Variants in APPL2 observed in about 807,000 individuals in gnomAD.
APPL2 encodes adaptor protein, phosphotyrosine interacting with PH domain and leucine zipper 2, also known as DCC-interacting protein 13-beta.
Under a neutral mutation model 92.7 loss-of-function variants are expected in APPL2, and 84 were observed. That is an observed-to-expected ratio of 0.91 (90% CI 0.76 to 1.09). APPL2 has a LOEUF of 1.09. APPL2 is among the 50% of genes least tolerant of loss of function. The probability of loss-of-function intolerance (pLI) is 0.00; values close to 1 mark genes in which losing one functional copy is unlikely to be tolerated. For synonymous variants in APPL2, 291 were observed against 291.0 expected, an observed-to-expected ratio of 1.00 and a Z score of 0.00; for missense variants, 736 against 824.5, an observed-to-expected ratio of 0.89 and a Z score of 1.31.
At chr12:105,195,919 G>T (rs930630899) in intron 11 of APPL2, among the ~76,000 whole-genome samples, 2 of 152,100 alleles carry the variant, frequency 1.3e-5, no homozygotes, top group Non-Finnish European at 2.9e-5. Flanking sequence ...GCTGGGCGTG[G>T]TGGCGTGTGC....
intron 9 of APPL2, 131 bp downstream of exon 9, chr12:105,203,572 G>A (rs373743632): frequency 1.6e-5 from 12 of 757,352 alleles, no homozygotes; most frequent in African/African-American, 5.3e-5. Flanking sequence ...CACTGTTAGC[G>A]AGCATTTCTG....
chr12:105,225,333 CT>C (rs1455081798), intron 2 of APPL2, among the ~76,000 whole-genome samples: 3 of 152,126 alleles, frequency 2.0e-5, no homozygotes, highest in Non-Finnish European at 4.4e-5. Context: ...CCTGGCCCCA[CT>C]TTCTCAGTAC....
rs35515314 is a variant in APPL2 at position 105,207,178 on chromosome 12, G to A, written c.504C>T (p.Ala168=). 1.9e-5 allele frequency: 31 copies of A among 1,613,630 alleles called. No homozygotes were observed. The highest frequency in any genetic ancestry group is 1.2e-4 in the South Asian group (11 of 91,008). ...KVKTEVGKEV[A]AARRKQHLSS... ...AGAGGTGCTGCTTCCGCCGGGCCGCGGCCACCTCTTTTCCGACTTCGGTCT... is the reference window on the plus strand; with the variant it reads ...AGAGGTGCTGCTTCCGCCGGGCCGCAGCCACCTCTTTTCCGACTTCGGTCT... Residue 168 remains alanine (A), a synonymous_variant, in exon 8 of 21, where the codon GCC becomes GCT. Coordinates refer to ENST00000258530, the MANE Select transcript of APPL2 (RefSeq NM_018171.5).
intron 17 of APPL2, among the ~76,000 whole-genome samples, chr12:105,184,350 T>C (rs554986855): frequency 6.6e-6 from 1 of 152,366 alleles, no homozygotes; most frequent in South Asian, 2.1e-4. Context: ...TTCTGGTTTT[T>C]GGAATTTTCA....
chr12:105,207,921 A>G, intron 7 of APPL2, 50 bp downstream of exon 7: 1 of 1,522,814 alleles, frequency 6.6e-7, no homozygotes, highest in Non-Finnish European at 9.1e-7. Context: ...GGAAGGCATG[A>G]AAGGCCTTTA....
rs1258241482 is a variant in APPL2, at chr12:105,174,883, G to A, written c.1861-435C>T. On this transcript the variant is annotated intron_variant, in intron 20 of 20. Transcript: ENST00000258530. ...GCTGCTGCTTTTTTTTGGTGGGGGG[G>A]GGGGTGGTGCGGCGGTTGGAGACAG... Among the ~76,000 whole-genome samples the A allele has an allele frequency of 1.4e-5, 2 of 139,382 alleles. 1 individual carries two copies. The highest frequency in any genetic ancestry group is 1.4e-4 in the Admixed American group (2 of 14,088). 91.4% of individuals were successfully genotyped at this position (139,382 alleles called of 152,430 possible).
intron 2 of APPL2, among the ~76,000 whole-genome samples, chr12:105,227,879 C>A (rs1423402370): frequency 6.6e-6 from 1 of 152,166 alleles, no homozygotes; most frequent in Non-Finnish European, 1.5e-5. Flanking sequence ...AACATAAAAG[C>A]CCCTGGAAGT....
chr12:105,207,864 A>T, intron 7 of APPL2, 107 bp downstream of exon 7: 6 of 409,028 alleles, frequency 1.5e-5, no homozygotes, highest in East Asian at 6.4e-5. Context: ...ATGTATAGTT[A>T]AAAAAAAAAA....
chr12:105,235,057 G>C (rs12299391), intron 1 of APPL2, among the ~76,000 whole-genome samples: 17,531 of 152,194 alleles, frequency 0.12, 1,133 homozygotes, highest in African/African-American at 0.16. Flanking sequence ...AGAGGGGAAA[G>C]TGTGAAACGA....
chr12:105,174,377 G>A lies in APPL2; in HGVS notation c.1932C>T (p.Asn644=), dbSNP rs777452996. Residue 644 remains asparagine, a synonymous_variant, in exon 21 of 21, where the codon AAC becomes AAT. Transcript: ENST00000258530. ...TTCCATCATCGTCATCTGGTTGATC[G>A]TTTAACAGTACATATTTTCCGTCAT... ...LTNDGKYVLL[N]DQPDDDDGNP... is the part of the protein sequence containing the mutation. 5.6e-6 allele frequency: 9 copies of A among 1,613,932 alleles called. No homozygotes were observed. Among genetic ancestry groups the A allele is most frequent in the East Asian group, 2.2e-5 (1 of 44,868 alleles).
At chr12:105,233,462 T>C in intron 1 of APPL2, 2 of 929,852 alleles carry the variant, frequency 2.2e-6, no homozygotes, top group Non-Finnish European at 2.6e-6. Flanking sequence ...GTGTCTAAGG[T>C]CAGTTAACTG....
At position 105,177,224 on chromosome 12, in the gene APPL2, AC is replaced by A; in HGVS notation, c.1671+1del. 1 of 1,613,956 alleles carries A rather than the reference AC, an allele frequency of 6.2e-7. No individual in the cohort carries two copies. Among genetic ancestry groups the A allele is most frequent in the Admixed American group, 1.7e-5 (1 of 60,026 alleles). On this transcript the variant is annotated splice_donor_variant, in intron 18 of 20. Transcript: ENST00000258530. LOFTEE classifies it high-confidence loss of function. ...TAACATGAACCTGTATGCGGTACTT[AC>A]ATTGGCCCTTGATACTTGAGTCTGT...
chr12:105,177,190 A>G (rs1885629829), intron 18 of APPL2, 36 bp downstream of exon 18: 1 of 1,610,762 alleles, frequency 6.2e-7, no homozygotes, highest in South Asian at 1.1e-5. Flanking sequence ...TGAATTAAGG[A>G]GTAATCACTA....
rs376476026 is a variant in APPL2 at position 105,208,003 on chromosome 12, T to A, written c.442A>T (p.Ser148Cys). The change falls in exon 7 of 21, where the codon AGC becomes TGC. Residue 148 changes from serine to cysteine, a missense_variant. Ser to Cys is a moderately radical substitution (Grantham distance 112). Transcript: ENST00000258530. ...TTCTCCTTTTTCTTAGGCAGCCTGC[T>A]GTATTTTGCCATTGAGAGGTCATGC... ...NEHDLSMAKY[S>C]RLPKKKENEK... 1 of 1,614,194 alleles carries A rather than the reference T, an allele frequency of 6.2e-7. No homozygotes were observed. The highest frequency in any genetic ancestry group is 1.1e-5 in the South Asian group (1 of 91,084).
chr12:105,186,202 T>G lies in APPL2; in HGVS notation c.1634+2071A>C, dbSNP rs894456507. Among the ~76,000 whole-genome samples, 6 of 152,308 alleles carry G rather than the reference T, an allele frequency of 3.9e-5. 1 individual carries two copies. The highest frequency in any genetic ancestry group is 6.5e-5 in the Admixed American group (1 of 15,296). ...ATTGTTTTGGATTTCAGCTTTTTTTTCAGATTTTAGAATACTTGCATTATA... is the reference window on the plus strand; with the variant it reads ...ATTGTTTTGGATTTCAGCTTTTTTTGCAGATTTTAGAATACTTGCATTATA... On this transcript the variant is annotated intron_variant, in intron 17 of 20. Coordinates refer to ENST00000258530, the MANE Select transcript of APPL2 (RefSeq NM_018171.5).
chr12:105,174,455 T>TTAG lies in APPL2; in HGVS notation c.1861-10_1861-8dup. Reference sequence around the variant, plus strand: ...GAGCCAGTGCTTCTGGATCCTGAAGTTAGGAGAGTTTAAAAGGGAAAAAAG... The same window carrying TTAG: ...GAGCCAGTGCTTCTGGATCCTGAAGTTAGTAGGAGAGTTTAAAAGGGAAAAAAG... On this transcript the variant is annotated splice_region_variant and splice_polypyrimidine_tract_variant and intron_variant, in intron 20 of 20. Coordinates refer to ENST00000258530, the MANE Select transcript of APPL2 (RefSeq NM_018171.5). 1.2e-6 allele frequency: 2 copies of TTAG among 1,610,146 alleles called. No individual in the cohort carries two copies. Among genetic ancestry groups the TTAG allele is most frequent in the Middle Eastern group, 1.7e-4 (1 of 6,040 alleles).
chr12:105,184,651 C>G (rs1191429439), intron 17 of APPL2, among the ~76,000 whole-genome samples: 2 of 152,190 alleles, frequency 1.3e-5, no homozygotes, highest in Non-Finnish European at 2.9e-5. Context: ...GGGCACCCAC[C>G]AGATGCCAGC....
In APPL2 at chr12:105,190,073, C is replaced by A; in HGVS notation, c.1324G>T (p.Glu442Ter). ...ATCGGCGTTCCAGGCGCGATCAGCT[C>A]CTCTGCTTCAGGTAGACTGGCTGTT... ...KATASLPEAE[E>*]LIAPGTPIQF... The change falls in exon 15 of 21, where the codon GAG (glutamate) becomes TAG (stop). Residue 442 changes from glutamate (E) to a stop codon, truncating the protein, a stop_gained. Coordinates refer to ENST00000258530, the MANE Select transcript of APPL2 (RefSeq NM_018171.5). LOFTEE classifies it high-confidence loss of function. 1 of 1,614,208 alleles carries A rather than the reference C, an allele frequency of 6.2e-7. No individual in the cohort carries two copies. The highest frequency in any genetic ancestry group is 1.1e-5 in the South Asian group (1 of 91,082).
Position 105,217,728 on chromosome 12 carries a change from G to C in APPL2, c.154-3C>G. The C allele has an allele frequency of 6.2e-7, 1 of 1,613,454 alleles. No individual in the cohort carries two copies. Among genetic ancestry groups the C allele is most frequent in the Non-Finnish European group, 8.5e-7 (1 of 1,179,920 alleles). On this transcript the variant is annotated splice_polypyrimidine_tract_variant and splice_region_variant and intron_variant, in intron 2 of 20. Transcript: ENST00000258530. ...TGTGTGGCCAGGCACATCTCATTCT[G>C]TGGAGAGAAGAGAAAAAGCAAGTAA... is the stretch of plus-strand genomic sequence containing the variant.
Sources: gnomAD v4.1 joint callset for allele counts (sites outside exome capture counted in the v4.1 genomes callset) on GRCh38, gnomAD v4.1.1 for gene constraint, MANE v1.5 for transcripts, NCBI Gene and HGNC (gene_info 2026-07-23, HGNC 2026-07-21) for gene names.